The following SLC24A2 variants were observed in gnomAD, a reference collection of about 807,000 sequenced individuals.
SLC24A2 encodes solute carrier family 24 member 2, also known as sodium/potassium/calcium exchanger 2.
A neutral mutation model predicts 62.0 loss-of-function variants in SLC24A2; 36 were observed. The ratio of observed to expected loss-of-function variants is 0.58; its 90% confidence interval spans 0.44 to 0.77. SLC24A2 has a LOEUF of 0.77. SLC24A2 is among the 30% of genes least tolerant of loss of function. SLC24A2 has a pLI of 0.00. For missense variants in SLC24A2, 846 were observed against 817.9 expected (o/e 1.03, Z -0.42); for synonymous variants, 358 against 294.0 (o/e 1.22, Z -2.23).
chr9:20,266,290 C>T, the SLC24A2 span, among the ~76,000 whole-genome samples: 2 of 152,234 alleles, frequency 1.3e-5, no homozygotes, highest in East Asian at 1.9e-4. Flanking sequence ...CTCCCCCGGA[C>T]ACCCAGCTTT....
At chr9:19,862,764 C>A in the SLC24A2 span, among the ~76,000 whole-genome samples, 1 of 151,918 alleles carries the variant, frequency 6.6e-6, no homozygotes, top group Non-Finnish European at 1.5e-5. Flanking sequence ...AAGTTGTTAT[C>A]AGCTTAAAAT....
At chr9:19,764,815 C>T (rs916164170) in intron 2 of SLC24A2, among the ~76,000 whole-genome samples, 14 of 152,080 alleles carry the variant, frequency 9.2e-5, no homozygotes, top group Non-Finnish European at 1.8e-4. Context: ...CTATTAGGTC[C>T]TCTTGGTCCA....
chr9:20,015,037 T>C, the SLC24A2 span, among the ~76,000 whole-genome samples: 1 of 152,204 alleles, frequency 6.6e-6, no homozygotes, highest in Non-Finnish European at 1.5e-5. Context: ...ATTGATAATA[T>C]GTTTTAAAAA....
chr9:19,986,872 C>A, the SLC24A2 span, among the ~76,000 whole-genome samples: 1 of 152,170 alleles, frequency 6.6e-6, no homozygotes, highest in South Asian at 2.1e-4. Context: ...GTGGTAGTTG[C>A]ACAATATTGT....
At chr9:20,242,648 C>T in the SLC24A2 span, among the ~76,000 whole-genome samples, 1 of 152,214 alleles carries the variant, frequency 6.6e-6, no homozygotes, top group Non-Finnish European at 1.5e-5. Flanking sequence ...CTCACCAGCT[C>T]TGACTCCGGG....
the SLC24A2 span, among the ~76,000 whole-genome samples, chr9:20,239,589 G>A: frequency 6.6e-6 from 1 of 152,198 alleles, no homozygotes; most frequent in African/African-American, 2.4e-5. Flanking sequence ...AGGTCTAAGG[G>A]CAATATTGGT....
chr9:20,199,684 C>G, the SLC24A2 span, among the ~76,000 whole-genome samples: 20,366 of 151,604 alleles, frequency 0.13, 1,500 homozygotes, highest in African/African-American at 0.2. Context: ...CCCAAGCATT[C>G]TGATATTCTG....
At chr9:20,233,725 C>A in the SLC24A2 span, among the ~76,000 whole-genome samples, 2 of 152,296 alleles carry the variant, frequency 1.3e-5, no homozygotes, top group East Asian at 3.9e-4. Flanking sequence ...AGTCCATTTA[C>A]ATTTAAAGTT....
At chr9:19,949,617 C>T in the SLC24A2 span, among the ~76,000 whole-genome samples, 2 of 152,162 alleles carry the variant, frequency 1.3e-5, no homozygotes, top group Non-Finnish European at 2.9e-5. Context: ...GCCTTCCTTG[C>T]AGCTAGGTGT....
chr9:20,017,376 A>T, the SLC24A2 span, among the ~76,000 whole-genome samples: 1 of 152,140 alleles, frequency 6.6e-6, no homozygotes, highest in African/African-American at 2.4e-5. Context: ...AATGATTCTA[A>T]ATTTTTCTAT....
At chr9:20,143,164 A>T in the SLC24A2 span, among the ~76,000 whole-genome samples, 1 of 152,212 alleles carries the variant, frequency 6.6e-6, no homozygotes, top group Admixed American at 6.5e-5. Context: ...AGTGGAAGTG[A>T]CATGCAAATG....
chr9:19,963,318 C>T, the SLC24A2 span, among the ~76,000 whole-genome samples: 25 of 151,310 alleles, frequency 1.7e-4, no homozygotes, highest in Non-Finnish European at 2.4e-4. Flanking sequence ...GTAAGGACGT[C>T]GTGTCTAAAA....
At chr9:19,690,878 T>C (rs1820023786) in intron 2 of SLC24A2, among the ~76,000 whole-genome samples, 1 of 151,784 alleles carries the variant, frequency 6.6e-6, no homozygotes, top group Non-Finnish European at 1.5e-5. Context: ...GCTGGAGTAG[T>C]ACAGCCACCA....
chr9:19,838,435 C>G, the SLC24A2 span, among the ~76,000 whole-genome samples: 3 of 149,140 alleles, frequency 2.0e-5, no homozygotes, highest in East Asian at 5.9e-4. Context: ...GGATTAAAGA[C>G]TTAAATGTTA....
At chr9:19,730,915 C>G (rs148174600) in intron 2 of SLC24A2, among the ~76,000 whole-genome samples, 237 of 151,120 alleles carry the variant, frequency 1.6e-3, no homozygotes, top group Non-Finnish European at 2.7e-3. Context: ...AATTTTTTGA[C>G]AATGGAAAAA....
the SLC24A2 span, among the ~76,000 whole-genome samples, chr9:19,992,135 T>C: frequency 2.6e-5 from 4 of 152,356 alleles, no homozygotes; most frequent in South Asian, 4.1e-4. Flanking sequence ...TTAAACAGCA[T>C]TGTTTAATAC....
chr9:19,658,782 C>T (rs1819011534), intron 2 of SLC24A2, among the ~76,000 whole-genome samples: 1 of 152,146 alleles, frequency 6.6e-6, no homozygotes, highest in Non-Finnish European at 1.5e-5. Context: ...GCTCGGAATA[C>T]TGATTTTCTT....
the SLC24A2 span, among the ~76,000 whole-genome samples, chr9:19,938,224 T>C: frequency 6.6e-6 from 1 of 152,140 alleles, no homozygotes; most frequent in Non-Finnish European, 1.5e-5. Context: ...ATTTAGGTTA[T>C]CTAGCCAGTT....
At chr9:19,874,677 G>C in the SLC24A2 span, among the ~76,000 whole-genome samples, 2 of 152,158 alleles carry the variant, frequency 1.3e-5, no homozygotes, top group African/African-American at 4.8e-5. Flanking sequence ...CTAGATACTT[G>C]AGTTCCCTCA....
Sources: allele counts gnomAD v4.1 joint callset (sites outside exome capture counted in the v4.1 genomes callset), GRCh38; gene constraint gnomAD v4.1.1; transcripts MANE v1.5; gene names NCBI Gene and HGNC (gene_info 2026-07-23, HGNC 2026-07-21).